Variants in DNAH14 observed in about 807,000 individuals in gnomAD.
DNAH14 encodes dynein axonemal heavy chain 14.
In DNAH14, 478 loss-of-function variants were observed where a neutral mutation model predicts 520.9. The observed-to-expected ratio is 0.92, with a 90% CI of 0.85 to 0.99. The LOEUF is 0.99. Ranked by LOEUF, DNAH14 falls within the 50% of genes least tolerant of loss-of-function variation. DNAH14 has a pLI of 0.00. For missense variants in DNAH14, 4,831 were observed against 5,234.5 expected (o/e 0.92, Z 2.38); for synonymous variants, 1,581 against 1,757.2 (o/e 0.90, Z 2.51).
rs539664789 is a variant in DNAH14, at chr1:225,215,052, T to A, written c.6439+7832T>A. 7.4e-4 allele frequency among the ~76,000 whole-genome samples: 112 copies of A among 152,360 alleles called. 3 individuals are homozygous for A. The highest frequency in any genetic ancestry group is 2.6e-3 in the African/African-American group (109 of 41,574). The stretch of plus-strand genomic sequence containing the variant: ...TTTCTCTTGTGGTCATTTAGTACTA[T>A]AAATTTCCCTCTACACACTGCTTTA... On this transcript the variant is annotated intron_variant, in intron 41 of 85. Coordinates refer to ENST00000682510, the MANE Select transcript of DNAH14 (RefSeq NM_001367479.1).
At chr1:225,208,504 T>C (rs1256890488) in intron 41 of DNAH14, among the ~76,000 whole-genome samples, 2 of 152,074 alleles carry the variant, frequency 1.3e-5, no homozygotes, top group East Asian at 3.9e-4. Flanking sequence ...GTTTCTATAA[T>C]ACAGAAATAT....
At chr1:224,985,918 A>G (rs558019412) in intron 8 of DNAH14, among the ~76,000 whole-genome samples, 4 of 152,204 alleles carry the variant, frequency 2.6e-5, no homozygotes, top group African/African-American at 7.2e-5. Context: ...AAATAGCCTC[A>G]AAAGGGTGAA....
At chr1:225,241,318 A>C (rs1288276419) in intron 43 of DNAH14, among the ~76,000 whole-genome samples, 1 of 152,246 alleles carries the variant, frequency 6.6e-6, no homozygotes, top group African/African-American at 2.4e-5. Flanking sequence ...GACTAAAAGA[A>C]CTTTGAGTAG....
chr1:225,191,021 T>C (rs2085363530), intron 37 of DNAH14, among the ~76,000 whole-genome samples: 1 of 152,020 alleles, frequency 6.6e-6, no homozygotes, highest in African/African-American at 2.4e-5. Flanking sequence ...CTTTATATAT[T>C]GTGTACCCAT....
Position 225,346,537 on chromosome 1 carries a change from A to G in DNAH14, c.11179A>G (p.Asn3727Asp). ...LCTVIMQNNA[N>D]GNLIQDDIGF... is the part of the protein sequence containing the mutation. ...CACTGTAATCATGCAAAACAATGCT[A>G]ATGGAAATCTAATACAGGATGACAT... The change falls in exon 71 of 86, where the codon AAT becomes GAT. Residue 3727 changes from asparagine to aspartate, a missense_variant. Physicochemically the swap from Asn to Asp is conservative, Grantham distance 23 (BLOSUM62 1). Coordinates refer to ENST00000682510, the MANE Select transcript of DNAH14 (RefSeq NM_001367479.1). 6.4e-7 allele frequency: 1 copy of G among 1,551,320 alleles called. No individual in the cohort carries two copies. Among genetic ancestry groups the G allele is most frequent in the South Asian group, 1.2e-5 (1 of 84,038 alleles).
rs370655031 is a variant in DNAH14, at chr1:225,032,434, G to A, written c.1359-6260G>A. 7.6e-4 allele frequency among the ~76,000 whole-genome samples: 116 copies of A among 152,142 alleles called. No individual in the cohort carries two copies. The East Asian group carries it at 0.017, about 22-fold the overall frequency. On this transcript the variant is annotated intron_variant, in intron 11 of 85. Coordinates refer to ENST00000682510, the MANE Select transcript of DNAH14 (RefSeq NM_001367479.1). ...TCTCATTCTTTTATATGGCTGCATC[G>A]TATTCCATGGTGTATATGTACCACA...
At chr1:225,172,147 G>T (rs947939272) in intron 36 of DNAH14, among the ~76,000 whole-genome samples, 3 of 152,170 alleles carry the variant, frequency 2.0e-5, no homozygotes, top group Non-Finnish European at 4.4e-5. Context: ...CAAACCCACA[G>T]CCAATATCAT....
intron 36 of DNAH14, among the ~76,000 whole-genome samples, chr1:225,174,090 A>G (rs2199832): frequency 0.056 from 8,551 of 152,156 alleles, 478 homozygotes; most frequent in East Asian, 0.23. Context: ...GAAGGGGAAC[A>G]TCACACACCA....
At chr1:225,085,401 C>A in intron 20 of DNAH14, 143 bp from the exon 21 acceptor site, 1 of 712,030 alleles carries the variant, frequency 1.4e-6, no homozygotes. Flanking sequence ...CATGAAGTTG[C>A]TGGTAAGGAT....
intron 10 of DNAH14, among the ~76,000 whole-genome samples, chr1:225,009,069 T>C (rs936810530): frequency 1.3e-5 from 2 of 152,200 alleles, no homozygotes; most frequent in African/African-American, 2.4e-5. Context: ...GCATGTTCAC[T>C]CTGATGGTAG....
intron 84 of DNAH14, chr1:225,397,060 T>C (rs984222517): frequency 1.3e-5 from 2 of 150,964 alleles, no homozygotes; most frequent in South Asian, 2.1e-4. Flanking sequence ...CAGGCTGGAG[T>C]GCAGTGGCGT....
At chr1:225,239,933 C>T (rs1210016861) in intron 42 of DNAH14, among the ~76,000 whole-genome samples, 1 of 152,138 alleles carries the variant, frequency 6.6e-6, no homozygotes, top group Non-Finnish European at 1.5e-5. Context: ...AAATCAGGCT[C>T]AAATCTCATG....
chr1:225,219,681 A>G (rs2089837162), intron 41 of DNAH14, among the ~76,000 whole-genome samples: 1 of 152,180 alleles, frequency 6.6e-6, no homozygotes, highest in Admixed American at 6.5e-5. Context: ...CTACCAACCA[A>G]AAAAAGCCCA....
intron 52 of DNAH14, among the ~76,000 whole-genome samples, chr1:225,274,491 G>A (rs2093416432): frequency 6.6e-6 from 1 of 152,170 alleles, no homozygotes; most frequent in Admixed American, 6.5e-5. Flanking sequence ...ACCGCGCCCG[G>A]CCGCATCTGT....
intron 44 of DNAH14, among the ~76,000 whole-genome samples, chr1:225,256,844 T>C (rs2092752961): frequency 6.6e-6 from 1 of 152,140 alleles, no homozygotes; most frequent in African/African-American, 2.4e-5. Context: ...GCTAATTTGC[T>C]TAATATATAA....
At chr1:225,061,391 G>A (rs2449301) in intron 17 of DNAH14, among the ~76,000 whole-genome samples, 129,587 of 152,186 alleles carry the variant, frequency 0.85, 58,756 homozygotes, top group Non-Finnish European at 1. Flanking sequence ...GGAGTGACCC[G>A]ATTTTCCAGG....
At position 225,221,300 on chromosome 1, in the gene DNAH14, G is replaced by A. The variant is rs1307853663; in HGVS notation, c.6440-9773G>A. Among the ~76,000 whole-genome samples the A allele has an allele frequency of 2.6e-5, 4 of 152,152 alleles. 1 individual carries two copies. Among genetic ancestry groups the A allele is most frequent in the African/African-American group, 7.2e-5 (3 of 41,436 alleles). ...AGCAATGGCAACAAAAGCCAAAATT[G>A]ACAAATAGTATCTAATTAAACCAAA... is the stretch of plus-strand genomic sequence containing the variant. On this transcript the variant is annotated intron_variant, in intron 41 of 85. Coordinates refer to ENST00000682510, the MANE Select transcript of DNAH14 (RefSeq NM_001367479.1).
At chr1:225,329,554 T>C (rs1008922618) in intron 64 of DNAH14, among the ~76,000 whole-genome samples, 3 of 152,078 alleles carry the variant, frequency 2.0e-5, no homozygotes, top group Non-Finnish European at 4.4e-5. Context: ...GAAAATTATT[T>C]TGGGGAAAAG....
chr1:225,054,295 T>A (rs2068828361), intron 17 of DNAH14, among the ~76,000 whole-genome samples: 1 of 152,210 alleles, frequency 6.6e-6, no homozygotes, highest in Non-Finnish European at 1.5e-5. Flanking sequence ...GCTTGACTGT[T>A]ATTAATACAT....
Sources: gnomAD v4.1 joint callset for allele counts (sites outside exome capture counted in the v4.1 genomes callset) on GRCh38, gnomAD v4.1.1 for gene constraint, MANE v1.5 for transcripts, NCBI Gene and HGNC (gene_info 2026-07-23, HGNC 2026-07-21) for gene names.